Variants in TRMT1 observed in about 807,000 individuals in gnomAD.
TRMT1 encodes the protein tRNA methyltransferase 1.
TRMT1 carries 63 observed loss-of-function variants against 75.4 expected under a neutral mutation model. The ratio of observed to expected loss-of-function variants is 0.84; its 90% CI spans 0.68 to 1.03. The LOEUF is 1.03. Among genes scored for constraint, TRMT1 ranks in the 50% least tolerant of loss-of-function variants. The probability of loss-of-function intolerance (pLI) is 0.00; values close to 1 mark genes in which losing one functional copy is unlikely to be tolerated. For missense variants in TRMT1, 870 were observed against 905.3 expected, an observed-to-expected ratio of 0.96 and a Z score of 0.50; for synonymous variants, 382 against 358.1, an observed-to-expected ratio of 1.07 and a Z score of -0.75.
intron 12 of TRMT1, among the ~76,000 whole-genome samples, chr19:13,109,014 C>CA: frequency 6.6e-6 from 1 of 151,122 alleles, no homozygotes; most frequent in Middle Eastern, 3.4e-3. Context: ...ACTCCTGGCC[C>CA]AAATGATCCT....
At chr19:13,106,802 G>A (rs1280789260) in intron 14 of TRMT1, among the ~76,000 whole-genome samples, 1 of 146,340 alleles carries the variant, frequency 6.8e-6, no homozygotes, top group Non-Finnish European at 1.5e-5. Context: ...AGCAGATTTA[G>A]TTATTTTTAT....
rs773786840 is a variant in TRMT1, at chr19:13,110,151, G to A, written c.1019+7C>T. The A allele has an allele frequency of 1.2e-6, 2 of 1,612,062 alleles. No individual in the cohort carries two copies. Among genetic ancestry groups the A allele is most frequent in the Non-Finnish European group, 1.7e-6 (2 of 1,179,898 alleles). On this transcript the variant is annotated splice_region_variant and intron_variant, in intron 8 of 16. Coordinates refer to ENST00000357720, the MANE Select transcript of TRMT1 (RefSeq NM_001136035.4). ...AATCCACCACCGCTCTCTGCCCCCGGGCTGACCTGGCTGAGGCCTTGACCT... is the reference window on the plus strand; with the variant it reads ...AATCCACCACCGCTCTCTGCCCCCGAGCTGACCTGGCTGAGGCCTTGACCT...
chr19:13,115,391 GC>G lies in TRMT1; in HGVS notation c.528del (p.Leu177SerfsTer40), dbSNP rs1227784468. ...RSIRFALEVP[G>X]LRSVVANDAS... ...GCATCGTTTGCAACCACAGATCTGA[GC>G]CCAGGCACCTCTAGGGCAAATCGAA... On this transcript the variant is annotated frameshift_variant, in exon 5 of 17. Transcript: ENST00000357720. LOFTEE classifies it high-confidence loss of function. 1.2e-6 allele frequency: 2 copies of G among 1,613,982 alleles called. No individual in the cohort carries two copies. Among genetic ancestry groups the G allele is most frequent in the African/African-American group, 2.7e-5 (2 of 74,928 alleles).
In TRMT1 at chr19:13,110,250, G is replaced by A. The variant is rs146661261; in HGVS notation, c.927C>T (p.Phe309=). The change falls in exon 8 of 17, where the codon TTC becomes TTT. Residue 309 remains phenylalanine, a synonymous_variant. Coordinates refer to ENST00000357720, the MANE Select transcript of TRMT1 (RefSeq NM_001136035.4). The part of the protein sequence containing the change: ...LDLRANCYQR[F]VVPLLSISAD... Reference sequence around the variant, plus strand: ...CGCTGATGCTGAGCAGCGGCACCACGAAGCGCTGGTAGCAGTTGGCGCGGA... The same window carrying A: ...CGCTGATGCTGAGCAGCGGCACCACAAAGCGCTGGTAGCAGTTGGCGCGGA... 26 of 1,601,922 alleles carry A rather than the reference G, an allele frequency of 1.6e-5. No homozygotes were observed. The highest frequency in any genetic ancestry group is 1.1e-4 in the East Asian group (5 of 43,956).
intron 5 of TRMT1, among the ~76,000 whole-genome samples, chr19:13,114,108 T>C (rs550223898): frequency 6.6e-6 from 1 of 152,348 alleles, no homozygotes; most frequent in East Asian, 1.9e-4. Flanking sequence ...AAAAACTTTT[T>C]TCTCTGTAAA....
chr19:13,107,657 G>GCAGAGGT lies in TRMT1; in HGVS notation c.1507-14_1507-8dup, dbSNP rs2018939335. On this transcript the variant is annotated splice_region_variant and splice_polypyrimidine_tract_variant and intron_variant, in intron 13 of 16. Transcript: ENST00000357720. ...TCACCGGACATTCCTTCTCCTGGGG[G>GCAGAGGT]CAGAGGTCAGAGGTTAGGGAATACT... The GCAGAGGT allele has an allele frequency of 6.2e-7, 1 of 1,602,012 alleles. No individual in the cohort carries two copies. The highest frequency in any genetic ancestry group is 1.7e-5 in the Admixed American group (1 of 58,982).
intron 5 of TRMT1, among the ~76,000 whole-genome samples, chr19:13,113,709 A>T (rs1276523498): frequency 6.6e-6 from 1 of 151,992 alleles, no homozygotes; most frequent in East Asian, 1.9e-4. Context: ...TCCTGGGTTC[A>T]AGCGATTCTC....
chr19:13,109,869 G>A (rs1032057582), intron 9 of TRMT1, 31 bp from the exon 10 acceptor site: 1 of 1,614,068 alleles, frequency 6.2e-7, no homozygotes, highest in East Asian at 2.2e-5. Context: ...GGTGGGGAGG[G>A]AGGAAAACCC....
chr19:13,105,075 A>C lies in TRMT1; in HGVS notation c.1840T>G (p.Cys614Gly), dbSNP rs753523817. The stretch of plus-strand genomic sequence containing the variant: ...TAGCAGCACTGGTCCCCGCGTTGAC[A>C]GGTGCCCTGGTGGGAAGATGGTGGG... ...FPCKRFKEGTCQRGDQCCYSH... is the reference protein window; with the variant it reads ...FPCKRFKEGTGQRGDQCCYSH... Residue 614 changes from cysteine to glycine, a missense_variant, in exon 17 of 17, where the codon TGT becomes GGT. By Grantham distance (159) the Cys-to-Gly change is radical. Transcript: ENST00000357720. 15 of 1,586,594 alleles carry C rather than the reference A, an allele frequency of 9.5e-6. No homozygotes were observed. Among genetic ancestry groups the C allele is most frequent in the Non-Finnish European group, 1.3e-5 (15 of 1,164,936 alleles).
At chr19:13,114,448 CG>C (rs1191294527) in intron 5 of TRMT1, among the ~76,000 whole-genome samples, 2 of 152,142 alleles carry the variant, frequency 1.3e-5, no homozygotes, top group African/African-American at 4.8e-5. Context: ...GGGCAGATCA[CG>C]AGGTCAGGAA....
At chr19:13,115,121 C>A (rs2019287041) in intron 5 of TRMT1, among the ~76,000 whole-genome samples, 158 bp downstream of exon 5, 1 of 152,162 alleles carries the variant, frequency 6.6e-6, no homozygotes, top group African/African-American at 2.4e-5. Flanking sequence ...ATCACAGCAA[C>A]CCCTGTAAAA....
intron 12 of TRMT1, among the ~76,000 whole-genome samples, chr19:13,108,475 T>C (rs888723319): frequency 1.5e-4 from 23 of 150,552 alleles, no homozygotes; most frequent in African/African-American, 5.1e-4. Flanking sequence ...GTATTTTTAG[T>C]AGAGATGGGG....
chr19:13,113,705 G>C (rs1302030916), intron 5 of TRMT1, among the ~76,000 whole-genome samples: 1 of 152,006 alleles, frequency 6.6e-6, no homozygotes, highest in Non-Finnish European at 1.5e-5. Flanking sequence ...CACCTCCTGG[G>C]TTCAAGCGAT....
chr19:13,106,556 C>T (rs192942007), intron 14 of TRMT1, among the ~76,000 whole-genome samples: 2 of 151,958 alleles, frequency 1.3e-5, no homozygotes, highest in African/African-American at 2.4e-5. Context: ...CGGCTCACTA[C>T]AAACTCTGCC....
At chr19:13,107,930 G>T in intron 12 of TRMT1, 71 bp from the exon 13 acceptor site, 1 of 1,237,526 alleles carries the variant, frequency 8.1e-7, no homozygotes, top group Non-Finnish European at 1.2e-6. Flanking sequence ...GACCAGCGTA[G>T]GTAAGACTAC....
At position 13,116,443 on chromosome 19, in the gene TRMT1, G is replaced by A. The variant is rs748697922; in HGVS notation, c.-32-12C>T. On this transcript the variant is annotated splice_polypyrimidine_tract_variant and intron_variant, in intron 1 of 16. Transcript: ENST00000357720. ...TCCGCCCGCCAAGCCTGGTTCGGGG[G>A]GCGGGGGAGGGCACAGAGAGGGTCA... is the stretch of plus-strand genomic sequence containing the variant. The A allele has an allele frequency of 2.5e-6, 4 of 1,574,416 alleles. No homozygotes were observed. In the African/African-American group the frequency reaches 4.0e-5, roughly 16 times the overall value.
chr19:13,114,497 T>C (rs1027411146), intron 5 of TRMT1, among the ~76,000 whole-genome samples: 1 of 152,164 alleles, frequency 6.6e-6, no homozygotes, highest in African/African-American at 2.4e-5. Context: ...AAACCCCATC[T>C]CTACTATAAA....
chr19:13,109,463 GCT>G lies in TRMT1; in HGVS notation c.1313_1314del (p.Glu438AlafsTer35), dbSNP rs2019035387. Reference protein sequence around the residue: ...IRGVLSVITEELPDVPLYYTL... With the variant: ...IRGVLSVITEXLPDVPLYYTL... ...GTGTAGTACAGAGGCACGTCCGGGA[GCT>G]CCTGCGATGGGGGACAGGATGGGCA... is the stretch of plus-strand genomic sequence containing the variant. On this transcript the variant is annotated frameshift_variant and splice_region_variant, in exon 12 of 17. Transcript: ENST00000357720. LOFTEE classifies it high-confidence loss of function. 6.2e-7 allele frequency: 1 copy of G among 1,613,874 alleles called. No individual in the cohort carries two copies. Among genetic ancestry groups the G allele is most frequent in the Non-Finnish European group, 8.5e-7 (1 of 1,180,016 alleles).
Position 13,110,295 on chromosome 19 carries a change from G to A in TRMT1, c.882C>T (p.Ile294=), listed in dbSNP as rs140807434. Reference sequence around the variant, plus strand: ...CGCGGAGGTCCAGGCTGTGCAGGACGATTCTCAGGGCCTGGGGGTGGGGGG... The same window carrying A: ...CGCGGAGGTCCAGGCTGTGCAGGACAATTCTCAGGGCCTGGGGGTGGGGGG... ...SRACHEMALR[I]VLHSLDLRAN... The change falls in exon 8 of 17, where the codon ATC becomes ATT. Residue 294 remains isoleucine (I), a synonymous_variant. Transcript: ENST00000357720. The A allele has an allele frequency of 1.5e-4, 205 of 1,406,706 alleles. No individual in the cohort carries two copies. Among genetic ancestry groups the A allele is most frequent in the Non-Finnish European group, 1.8e-4 (187 of 1,012,634 alleles). 87.1% of individuals were successfully genotyped at this position (1,406,706 alleles called of 1,614,324 possible).
Sources: allele counts gnomAD v4.1 joint callset (sites outside exome capture counted in the v4.1 genomes callset), GRCh38; gene constraint gnomAD v4.1.1; transcripts MANE v1.5; gene names NCBI Gene and HGNC (gene_info 2026-07-23, HGNC 2026-07-21).